SPTAN1: variants seen among roughly 807,000 people sequenced by gnomAD.
The protein encoded by SPTAN1 is spectrin alpha chain, non-erythrocytic 1.
A neutral mutation model predicts 331.3 loss-of-function variants in SPTAN1; 61 were observed. The observed-to-expected ratio is 0.18, with a 90% CI of 0.15 to 0.23. The LOEUF (loss-of-function observed/expected upper bound fraction) is 0.23. Ranked by LOEUF, SPTAN1 falls within the 10% of genes least tolerant of loss-of-function variation. The pLI is 1.00. For synonymous variants in SPTAN1, 1,153 were observed against 1,173.9 expected (o/e 0.98, Z 0.36); for missense variants, 2,043 against 3,147.9 (o/e 0.65, Z 8.40).
At chr9:128,588,310 A>T (rs1171713547) in intron 20 of SPTAN1, among the ~76,000 whole-genome samples, 8 of 114,732 alleles carry the variant, frequency 7.0e-5, no homozygotes, top group East Asian at 5.0e-4. Flanking sequence ...TTAAAATGAG[A>T]TTTTTTTTTT....
intron 43 of SPTAN1, among the ~76,000 whole-genome samples, chr9:128,618,633 G>A (rs996985031): frequency 1.2e-4 from 18 of 151,898 alleles, no homozygotes; most frequent in African/African-American, 4.1e-4. Context: ...ACAGGCACCC[G>A]CCACCAAGCC....
intron 24 of SPTAN1, among the ~76,000 whole-genome samples, chr9:128,596,957 C>T (rs1393387082): frequency 2.0e-5 from 3 of 152,146 alleles, no homozygotes; most frequent in Non-Finnish European, 4.4e-5. Flanking sequence ...GTCAGGAGTT[C>T]GAGACTAGCC....
rs980529242 is a variant in SPTAN1 at position 128,577,029 on chromosome 9, T to C, written c.785+73T>C. 6 of 1,613,924 alleles carry C rather than the reference T, an allele frequency of 3.7e-6. No homozygotes were observed. Among genetic ancestry groups the C allele is most frequent in the Non-Finnish European group, 5.1e-6 (6 of 1,179,982 alleles). On this transcript the variant is annotated intron_variant, in intron 6 of 56. Transcript: ENST00000372739. The surrounding 1 kb of genome is among the most constrained non-coding windows in gnomAD (Gnocchi z 4.2). ...GAGTTGTGAAGCACAGGGCATGTGC[T>C]GGTGAGCTGTCGAGGCTGACTAGGC...
chr9:128,626,234 T>C, intron 48 of SPTAN1, 157 bp from the exon 49 acceptor site: 1 of 1,061,156 alleles, frequency 9.4e-7, no homozygotes. Context: ...GGTGAAGACT[T>C]GAAGGGGGAG....
intron 52 of SPTAN1, 125 bp from the exon 53 acceptor site, chr9:128,632,002 A>G: frequency 1.1e-6 from 1 of 939,992 alleles, no homozygotes; most frequent in Non-Finnish European, 1.7e-6. Flanking sequence ...CTATTCTAGA[A>G]TGTTCTTGTT....
intron 40 of SPTAN1, 102 bp downstream of exon 40, chr9:128,613,587 A>G: frequency 3.1e-5 from 30 of 958,782 alleles, no homozygotes; most frequent in Non-Finnish European, 5.0e-5. Flanking sequence ...GACTTCTTTC[A>G]CTTAAAGCAG....
Position 128,575,273 on chromosome 9 carries a change from G to A in SPTAN1, c.579G>A (p.Glu193=). The change falls in exon 5 of 57, where the codon GAG becomes GAA. Residue 193 remains glutamate, a synonymous_variant. Transcript: ENST00000372739. Reference sequence around the variant, plus strand: ...AGGTTTTACAGAAGAAATTTGAAGAGTTTCAAACAGATATGGCTGCTCATG... The same window carrying A: ...AGGTTTTACAGAAGAAATTTGAAGAATTTCAAACAGATATGGCTGCTCATG... ...HVEVLQKKFE[E]FQTDMAAHEE... is the part of the protein sequence containing the mutation. 6.2e-7 allele frequency: 1 copy of A among 1,614,140 alleles called. No individual in the cohort carries two copies. Among genetic ancestry groups the A allele is most frequent in the Non-Finnish European group, 8.5e-7 (1 of 1,180,040 alleles).
intron 1 of SPTAN1, among the ~76,000 whole-genome samples, chr9:128,565,186 C>T (rs1849875316): frequency 6.6e-6 from 1 of 152,162 alleles, no homozygotes; most frequent in Non-Finnish European, 1.5e-5. Context: ...GCCTGTAGTC[C>T]CCGCTACTCG....
chr9:128,604,450 A>G (rs1351075233), intron 29 of SPTAN1, 33 bp downstream of exon 29: 1 of 1,594,322 alleles, frequency 6.3e-7, no homozygotes. Context: ...GGAGAGGGAG[A>G]AACAGGTGAC....
In SPTAN1 at chr9:128,627,914, G is replaced by A; in HGVS notation, c.6690-11G>A. 1 of 1,614,162 alleles carries A rather than the reference G, an allele frequency of 6.2e-7. No homozygotes were observed. Among genetic ancestry groups the A allele is most frequent in the Non-Finnish European group, 8.5e-7 (1 of 1,180,012 alleles). On this transcript the variant is annotated splice_polypyrimidine_tract_variant and intron_variant, in intron 50 of 56. Transcript: ENST00000372739. This position sits in a 1 kb window ranked among gnomAD's most constrained non-coding sequence, Gnocchi z 4.9. ...CCTTGTCTCCCGGCTGCTTGGATCT[G>A]CTCTCCACAGGACATACCTCCTCGA...
intron 51 of SPTAN1, chr9:128,628,961 GC>G (rs1368078032): frequency 7.6e-6 from 3 of 392,646 alleles, no homozygotes; most frequent in Non-Finnish European, 1.3e-5. Context: ...CCTAGTGTGA[GC>G]TGCCTGGGGT....
intron 52 of SPTAN1, 157 bp downstream of exon 52, chr9:128,630,532 CTCTCTT>C (rs1859537142): frequency 6.0e-6 from 4 of 670,324 alleles, no homozygotes; most frequent in Non-Finnish European, 7.9e-6. Context: ...CACTATCTCT[CTCTCTT>C]TTCTTTCTTT....
chr9:128,630,600 G>T, intron 52 of SPTAN1: 3 of 482,560 alleles, frequency 6.2e-6, no homozygotes, highest in Non-Finnish European at 7.3e-6. Context: ...TGCGATATTG[G>T]CTCACTGCAA....
chr9:128,587,999 C>G (rs1717399472), intron 20 of SPTAN1, among the ~76,000 whole-genome samples: 1 of 145,378 alleles, frequency 6.9e-6, no homozygotes, highest in African/African-American at 2.6e-5. Flanking sequence ...GTGTTCACCA[C>G]CATGCCCAGC....
chr9:128,630,414 C>T (rs371267756), intron 52 of SPTAN1, 39 bp downstream of exon 52: 30 of 1,603,050 alleles, frequency 1.9e-5, no homozygotes, highest in Non-Finnish European at 2.4e-5. Flanking sequence ...AGAGACCCTT[C>T]ACCCAGCCAC....
At chr9:128,592,552 C>T (rs1289660566) in intron 22 of SPTAN1, among the ~76,000 whole-genome samples, 9 of 152,188 alleles carry the variant, frequency 5.9e-5, no homozygotes, top group Non-Finnish European at 1.0e-4. Flanking sequence ...GGATTACAGG[C>T]GTGAGCCACC....
chr9:128,556,127 A>G (rs1848613564), intron 1 of SPTAN1, among the ~76,000 whole-genome samples: 1 of 152,132 alleles, frequency 6.6e-6, no homozygotes, highest in Non-Finnish European at 1.5e-5. Flanking sequence ...AAGCTGAGGC[A>G]GGAGAATCGC....
intron 52 of SPTAN1, 114 bp from the exon 53 acceptor site, chr9:128,632,013 T>G (rs1456314906): frequency 9.3e-7 from 1 of 1,073,774 alleles, no homozygotes; most frequent in Non-Finnish European, 1.4e-6. Flanking sequence ...TGTTCTTGTT[T>G]TACGAGGTCT....
intron 27 of SPTAN1, 47 bp downstream of exon 27, chr9:128,600,162 C>G: frequency 6.3e-7 from 1 of 1,588,530 alleles, no homozygotes; most frequent in Non-Finnish European, 8.6e-7. Flanking sequence ...TTTGCGAGAT[C>G]ATGAAATATG....
Sources: gnomAD v4.1 joint callset for allele counts (sites outside exome capture counted in the v4.1 genomes callset) on GRCh38, gnomAD v4.1.1 for gene constraint, Gnocchi (gnomAD v3.1) non-coding constraint, MANE v1.5 for transcripts, NCBI Gene and HGNC (gene_info 2026-07-23, HGNC 2026-07-21) for gene names.